The following EXT2 variants were observed in gnomAD, a reference collection of about 807,000 sequenced individuals.
EXT2 encodes exostosin-2.
EXT2 carries 53 observed loss-of-function variants against 81.6 expected under a neutral mutation model. The ratio of observed to expected loss-of-function variants is 0.65; its 90% CI spans 0.52 to 0.82. The LOEUF is 0.82. Ranked by LOEUF, EXT2 falls within the 40% of genes least tolerant of loss-of-function variation. The pLI is 0.00. For synonymous variants in EXT2, 320 were observed against 340.0 expected (o/e 0.94, Z 0.65); for missense variants, 774 against 910.2 (o/e 0.85, Z 1.93).
intron 10 of EXT2, among the ~76,000 whole-genome samples, chr11:44,231,688 G>A (rs961587506): frequency 6.6e-6 from 1 of 152,144 alleles, no homozygotes; most frequent in African/African-American, 2.4e-5. Flanking sequence ...ATCTTTTCAA[G>A]GTTAGACTAA....
intron 10 of EXT2, among the ~76,000 whole-genome samples, chr11:44,228,493 C>A (rs1333407895): frequency 6.6e-6 from 1 of 152,204 alleles, no homozygotes; most frequent in Non-Finnish European, 1.5e-5. Flanking sequence ...CGACTTCGTA[C>A]TACACTAGGG....
chr11:44,202,132 C>T (rs1265747229), intron 9 of EXT2, among the ~76,000 whole-genome samples: 1 of 152,162 alleles, frequency 6.6e-6, no homozygotes, highest in East Asian at 1.9e-4. Flanking sequence ...TCTTAAAAAG[C>T]CATGATTCAT....
chr11:44,214,679 G>C (rs1001262148), intron 10 of EXT2, among the ~76,000 whole-genome samples: 3 of 151,754 alleles, frequency 2.0e-5, no homozygotes, highest in Non-Finnish European at 2.9e-5. Flanking sequence ...TCCTGATACT[G>C]GCAATTTTTG....
intron 7 of EXT2, among the ~76,000 whole-genome samples, chr11:44,131,871 G>A (rs1954497864): frequency 6.6e-6 from 1 of 152,146 alleles, no homozygotes; most frequent in Admixed American, 6.5e-5. Context: ...CCGAGTAGCT[G>A]GGACTACAGG....
At chr11:44,113,321 GGC>G (rs1264598685) in intron 3 of EXT2, among the ~76,000 whole-genome samples, 12 of 152,184 alleles carry the variant, frequency 7.9e-5, no homozygotes, top group African/African-American at 2.9e-4. Flanking sequence ...GAGACATCTT[GGC>G]TCAGACTTTG....
At chr11:44,096,118 T>G (rs1953890849) in intron 1 of EXT2, 1 of 825,854 alleles carries the variant, frequency 1.2e-6, no homozygotes, top group Non-Finnish European at 2.0e-6. Context: ...TACCCACCTG[T>G]TCTCCTAGCC....
At chr11:44,207,569 G>A (rs2135206869) in intron 10 of EXT2, among the ~76,000 whole-genome samples, 1 of 152,312 alleles carries the variant, frequency 6.6e-6, no homozygotes, top group East Asian at 1.9e-4. Flanking sequence ...GCCCTGTCAG[G>A]GTGTACGTGA....
intron 8 of EXT2, among the ~76,000 whole-genome samples, chr11:44,184,744 C>T (rs1014796484): frequency 1.3e-5 from 2 of 151,820 alleles, no homozygotes; most frequent in African/African-American, 4.8e-5. Flanking sequence ...GAGCAAGACT[C>T]CGTCTCAAAA....
intron 13 of EXT2, among the ~76,000 whole-genome samples, chr11:44,238,195 TTTTA>T (rs1955992686): frequency 2.0e-5 from 3 of 152,154 alleles, no homozygotes; most frequent in African/African-American, 7.2e-5. Context: ...GGAAGATCTT[TTTTA>T]TTATTATTAT....
chr11:44,132,968 T>C (rs1954515522), intron 7 of EXT2, among the ~76,000 whole-genome samples: 1 of 152,208 alleles, frequency 6.6e-6, no homozygotes, highest in Non-Finnish European at 1.5e-5. Context: ...TAAAGTAATT[T>C]CCAGTTAGGT....
chr11:44,193,879 A>G (rs751988907), intron 8 of EXT2, among the ~76,000 whole-genome samples: 1 of 152,154 alleles, frequency 6.6e-6, no homozygotes, highest in Non-Finnish European at 1.5e-5. Flanking sequence ...AAGAAAAGTT[A>G]CTGTCCACTT....
At chr11:44,213,455 C>CA (rs887923580) in intron 10 of EXT2, among the ~76,000 whole-genome samples, 4 of 151,920 alleles carry the variant, frequency 2.6e-5, no homozygotes, top group East Asian at 1.9e-4. Flanking sequence ...AAGGTTATCA[C>CA]AAAAAAAGCC....
At chr11:44,124,641 T>C in intron 4 of EXT2, 148 bp from the exon 5 acceptor site, 1 of 676,102 alleles carries the variant, frequency 1.5e-6, no homozygotes. Flanking sequence ...AAATATTTAC[T>C]AATACTACAG....
At chr11:44,159,325 T>C (rs2135101454) in intron 7 of EXT2, among the ~76,000 whole-genome samples, 1 of 152,112 alleles carries the variant, frequency 6.6e-6, no homozygotes, top group South Asian at 2.1e-4. Context: ...TTGTTGGAGA[T>C]CCTGTTTTGT....
At chr11:44,182,595 AC>A (rs2135151558) in intron 8 of EXT2, among the ~76,000 whole-genome samples, 1 of 152,258 alleles carries the variant, frequency 6.6e-6, no homozygotes, top group Admixed American at 6.5e-5. Context: ...TGTACTCTTC[AC>A]CCAGATTCTT....
At chr11:44,171,951 T>C in intron 8 of EXT2, 1 of 651,228 alleles carries the variant, frequency 1.5e-6, no homozygotes, top group East Asian at 2.9e-5. Context: ...TCCAGTGTGT[T>C]TTAAGTGCTT....
In EXT2 at chr11:44,197,870, C is replaced by T. The variant is rs1247631562; in HGVS notation, c.1347C>T (p.Ile449=). 9 of 1,614,064 alleles carry T rather than the reference C, an allele frequency of 5.6e-6. No individual in the cohort carries two copies. Among genetic ancestry groups the T allele is most frequent in the South Asian group, 1.1e-5 (1 of 91,080 alleles). Reference sequence around the variant, plus strand: ...GCAATCCACTCTTCCTCCCGCTGATCCCACCACAGTCTCAAGGGTTCACCG... The same window carrying T: ...GCAATCCACTCTTCCTCCCGCTGATTCCACCACAGTCTCAAGGGTTCACCG... ...SVSNPLFLPL[I]PPQSQGFTAI... The change falls in exon 9 of 14, where the codon ATC becomes ATT. Residue 449 remains isoleucine (I), a synonymous_variant. Transcript: ENST00000533608.
rs540720619 is a variant in EXT2 at position 44,232,060 on chromosome 11, T to C, written c.1663-293T>C. Among the ~76,000 whole-genome samples, 3 of 152,302 alleles carry C rather than the reference T, an allele frequency of 2.0e-5. No homozygotes were observed. The East Asian group carries it at 5.8e-4, about 29-fold the overall frequency. The stretch of plus-strand genomic sequence containing the variant: ...AATGGAACCTATTTCATTAATCATA[T>C]GTTAAGAGATTGCCTACCTTGGCCC... On this transcript the variant is annotated intron_variant, in intron 10 of 13. Coordinates refer to ENST00000533608, the MANE Select transcript of EXT2 (RefSeq NM_207122.2).
intron 8 of EXT2, among the ~76,000 whole-genome samples, chr11:44,173,859 G>A (rs540734099): frequency 2.6e-5 from 4 of 152,076 alleles, no homozygotes; most frequent in East Asian, 3.9e-4. Flanking sequence ...GAGCCACCGC[G>A]CCCGGCCTTT....
Sources: gnomAD v4.1 joint callset for allele counts (sites outside exome capture counted in the v4.1 genomes callset) on GRCh38, gnomAD v4.1.1 for gene constraint, MANE v1.5 for transcripts, NCBI Gene and HGNC (gene_info 2026-07-23, HGNC 2026-07-21) for gene names.